Variants in INPP4B observed in about 807,000 individuals in gnomAD.
The protein encoded by INPP4B is inositol polyphosphate 4-phosphatase type II.
Under a neutral mutation model 122.5 loss-of-function variants are expected in INPP4B, and 55 were observed. That is an observed-to-expected ratio of 0.45 (90% confidence interval 0.36 to 0.56). The LOEUF (loss-of-function observed/expected upper bound fraction) is 0.56, where lower values mean the gene tolerates loss of function less well. Among genes scored for constraint, INPP4B ranks in the 20% least tolerant of loss-of-function variants. The pLI, the probability that INPP4B is intolerant of heterozygous loss-of-function variation, is 0.00. For missense variants in INPP4B, 1,000 were observed against 1,097.7 expected (o/e 0.91, Z 1.26); for synonymous variants, 403 against 388.7 (o/e 1.04, Z -0.43).
At chr4:142,619,521 G>A (rs551534904) in intron 2 of INPP4B, among the ~76,000 whole-genome samples, 79 of 152,144 alleles carry the variant, frequency 5.2e-4, no homozygotes, top group Admixed American at 4.8e-3. Context: ...ACTACTTAAA[G>A]GAGTTATATA....
At chr4:142,098,791 A>G (rs960524495) in intron 23 of INPP4B, among the ~76,000 whole-genome samples, 10 of 152,254 alleles carry the variant, frequency 6.6e-5, no homozygotes, top group African/African-American at 2.4e-4. Context: ...GCAGGATACA[A>G]GAGTTTAAGG....
At chr4:142,245,371 C>T (rs1480859453) in intron 11 of INPP4B, among the ~76,000 whole-genome samples, 1 of 151,966 alleles carries the variant, frequency 6.6e-6, no homozygotes, top group African/African-American at 2.4e-5. Context: ...GTCTTTAATC[C>T]ATCTTGAGTT....
intron 2 of INPP4B, among the ~76,000 whole-genome samples, chr4:142,522,429 C>G (rs1201275503): frequency 6.7e-6 from 1 of 148,864 alleles, no homozygotes; most frequent in Non-Finnish European, 1.5e-5. Context: ...AGCACTGCAG[C>G]TTTGAATTGG....
chr4:142,529,964 G>A (rs2149978487), intron 2 of INPP4B, among the ~76,000 whole-genome samples: 1 of 152,202 alleles, frequency 6.6e-6, no homozygotes, highest in Non-Finnish European at 1.5e-5. Context: ...AGTTACGTAT[G>A]CTACTTCCAT....
intron 5 of INPP4B, among the ~76,000 whole-genome samples, chr4:142,411,278 G>A (rs1023970843): frequency 6.6e-6 from 1 of 152,228 alleles, no homozygotes; most frequent in African/African-American, 2.4e-5. Flanking sequence ...ATGGCCCACA[G>A]GGGAGCACTT....
intron 9 of INPP4B, among the ~76,000 whole-genome samples, chr4:142,301,049 A>G (rs1425974051): frequency 6.6e-6 from 1 of 152,210 alleles, no homozygotes; most frequent in Non-Finnish European, 1.5e-5. Flanking sequence ...AGTGCCCTGT[A>G]CTGAAATAAA....
chr4:142,195,963 C>T (rs1838021700), intron 14 of INPP4B, among the ~76,000 whole-genome samples: 1 of 152,184 alleles, frequency 6.6e-6, no homozygotes, highest in Non-Finnish European at 1.5e-5. Flanking sequence ...AAGCTACTCT[C>T]TGGGAACAGA....
intron 15 of INPP4B, among the ~76,000 whole-genome samples, chr4:142,175,932 T>G (rs1460484742): frequency 6.6e-6 from 1 of 152,014 alleles, no homozygotes; most frequent in Non-Finnish European, 1.5e-5. Context: ...ACAGACCCAA[T>G]GCAGAGTCAT....
chr4:142,134,333 T>G (rs1219387141), intron 18 of INPP4B, among the ~76,000 whole-genome samples: 1 of 152,188 alleles, frequency 6.6e-6, no homozygotes, highest in Non-Finnish European at 1.5e-5. Flanking sequence ...AACTGTGGAC[T>G]TGCCAAGATC....
rs4493622 is a variant in INPP4B, at chr4:142,174,865, G to A, written c.1182-1056C>T. Among the ~76,000 whole-genome samples, 8 of 152,026 alleles carry A rather than the reference G, an allele frequency of 5.3e-5. No homozygotes were observed. In the South Asian group the frequency reaches 8.3e-4, roughly 16 times the overall value. ...AGACTGGTCTTGAATGCCTAGCCTC[G>A]AGCCATCCTCCCCTCTTAGCCTCCC... is the stretch of plus-strand genomic sequence containing the variant. On this transcript the variant is annotated intron_variant, in intron 15 of 25. Transcript: ENST00000262992.
intron 2 of INPP4B, among the ~76,000 whole-genome samples, chr4:142,521,245 G>A (rs986014236): frequency 1.3e-5 from 2 of 151,988 alleles, no homozygotes; most frequent in Admixed American, 6.6e-5. Context: ...GTTGTTAATA[G>A]ATGTTTCATT....
At chr4:142,595,991 G>A (rs568917406) in intron 2 of INPP4B, among the ~76,000 whole-genome samples, 2 of 152,102 alleles carry the variant, frequency 1.3e-5, no homozygotes, top group Non-Finnish European at 2.9e-5. Context: ...TGGGATTACA[G>A]CCACACACCA....
At chr4:142,569,471 A>G (rs1732349262) in intron 2 of INPP4B, among the ~76,000 whole-genome samples, 1 of 152,120 alleles carries the variant, frequency 6.6e-6, no homozygotes, top group Admixed American at 6.6e-5. Context: ...TGCATAACAA[A>G]CAAACCTATG....
At chr4:142,032,628 T>A (rs984138701) in intron 25 of INPP4B, among the ~76,000 whole-genome samples, 4 of 152,204 alleles carry the variant, frequency 2.6e-5, no homozygotes, top group Non-Finnish European at 5.9e-5. Flanking sequence ...AGCTGTGATA[T>A]AGATCAGAGC....
intron 17 of INPP4B, among the ~76,000 whole-genome samples, chr4:142,147,984 G>A (rs926859078): frequency 6.6e-6 from 1 of 152,144 alleles, no homozygotes; most frequent in Non-Finnish European, 1.5e-5. Flanking sequence ...TTGGGATTTG[G>A]TGAGGAGCTT....
chr4:142,755,552 T>A (rs1290020090), intron 1 of INPP4B, among the ~76,000 whole-genome samples: 1 of 152,032 alleles, frequency 6.6e-6, no homozygotes, highest in African/African-American at 2.4e-5. Context: ...AAGCCCTTAC[T>A]TCTGAGAGCT....
chr4:142,714,184 G>T (rs907023509), intron 2 of INPP4B, among the ~76,000 whole-genome samples: 4 of 152,162 alleles, frequency 2.6e-5, no homozygotes, highest in Non-Finnish European at 5.9e-5. Flanking sequence ...CTTTCTTAAA[G>T]GTTCATCACA....
chr4:142,088,236 G>A (rs1393482699), intron 23 of INPP4B, among the ~76,000 whole-genome samples: 1 of 152,134 alleles, frequency 6.6e-6, no homozygotes, highest in Non-Finnish European at 1.5e-5. Context: ...GGACTTGGTG[G>A]CTAATCAAAG....
chr4:142,716,160 C>T (rs1166703658), intron 2 of INPP4B, among the ~76,000 whole-genome samples: 1 of 152,164 alleles, frequency 6.6e-6, no homozygotes, highest in African/African-American at 2.4e-5. Context: ...TAGTCCTCAC[C>T]TCTTGATGGG....
Sources: allele counts gnomAD v4.1 joint callset (sites outside exome capture counted in the v4.1 genomes callset), GRCh38; gene constraint gnomAD v4.1.1; transcripts MANE v1.5; gene names NCBI Gene and HGNC (gene_info 2026-07-23, HGNC 2026-07-21).